Variants in SLC6A19 observed in about 807,000 individuals in gnomAD.
SLC6A19 encodes solute carrier family 6 member 19, also known as sodium-dependent neutral amino acid transporter B(0)AT1.
In SLC6A19, 67 loss-of-function variants were observed where a neutral mutation model predicts 68.3. The observed-to-expected ratio is 0.98, with a 90% CI of 0.81 to 1.20. The LOEUF is 1.20. Among genes scored for constraint, SLC6A19 ranks in the 50% most tolerant of loss-of-function variants. SLC6A19 has a pLI of 0.00. For synonymous variants in SLC6A19, 392 were observed against 374.9 expected, an observed-to-expected ratio of 1.05 and a Z score of -0.53; for missense variants, 813 against 851.6, an observed-to-expected ratio of 0.95 and a Z score of 0.56.
chr5:1,201,906 A>C, intron 1 of SLC6A19, 54 bp downstream of exon 1: 2 of 1,570,946 alleles, frequency 1.3e-6, no homozygotes, highest in Non-Finnish European at 1.7e-6. Flanking sequence ...AAGCACAGAC[A>C]CACGCAGAGG....
Position 1,208,850 on chromosome 5 carries a change from G to T in SLC6A19, c.307G>T (p.Val103Leu). Residue 103 changes from valine (V) to leucine (L), a missense_variant, in exon 2 of 12, where the codon GTG (valine) becomes TTG (leucine). Transcript: ENST00000304460. The part of the protein sequence containing the change: ...GQRLRRGSLG[V>L]WSSIHPALKG... ...GCGGCTGCGGCGGGGCAGCCTGGGT[G>T]TGTGGAGCTCCATCCACCCGGCCCT... 1 of 1,612,810 alleles carries T rather than the reference G, an allele frequency of 6.2e-7. No homozygotes were observed. The highest frequency in any genetic ancestry group is 8.5e-7 in the Non-Finnish European group (1 of 1,179,964).
intron 4 of SLC6A19, 62 bp from the exon 5 acceptor site, chr5:1,213,401 G>GCCCCCACGTGCCC (rs1746106249): frequency 3.9e-6 from 1 of 254,804 alleles, no homozygotes; most frequent in South Asian, 2.7e-5. Context: ...CCCACGTGCC[G>GCCCCCACGTGCCC]CCCCCACCGC....
At chr5:1,206,832 G>GC (rs1561161986) in intron 1 of SLC6A19, among the ~76,000 whole-genome samples, 1 of 152,182 alleles carries the variant, frequency 6.6e-6, no homozygotes, top group African/African-American at 2.4e-5. Flanking sequence ...CACAAAGGTG[G>GC]CCCCCAGGAG....
At chr5:1,211,380 G>A (rs905707091) in intron 3 of SLC6A19, among the ~76,000 whole-genome samples, 1 of 152,264 alleles carries the variant, frequency 6.6e-6, no homozygotes, top group African/African-American at 2.4e-5. Context: ...AGTGGTGACA[G>A]TGTGTGGAGT....
intron 1 of SLC6A19, among the ~76,000 whole-genome samples, chr5:1,205,504 C>T (rs1251394973): frequency 6.6e-6 from 1 of 152,184 alleles, no homozygotes; most frequent in Admixed American, 6.5e-5. Context: ...ATTTGAGGGT[C>T]TCCTGCCCGG....
At position 1,209,498 on chromosome 5, in the gene SLC6A19, C is replaced by T. The variant is rs1745960554; in HGVS notation, c.343+612C>T. Reference sequence around the variant, plus strand: ...AGCAGAGCCTACACCCTCATCCCAGCCTCTCCCTGAGTCTCCAAGGCCTCC... The same window carrying T: ...AGCAGAGCCTACACCCTCATCCCAGTCTCTCCCTGAGTCTCCAAGGCCTCC... On this transcript the variant is annotated intron_variant, in intron 2 of 11. Coordinates refer to ENST00000304460, the MANE Select transcript of SLC6A19 (RefSeq NM_001003841.3). This position sits in a 1 kb window ranked among gnomAD's most constrained non-coding sequence, Gnocchi z 5.5. Among the ~76,000 whole-genome samples, 3 of 152,080 alleles carry T rather than the reference C, an allele frequency of 2.0e-5. No homozygotes were observed. In the South Asian group the frequency reaches 6.2e-4, roughly 32 times the overall value.
chr5:1,220,821 T>G (rs909312008), intron 10 of SLC6A19, among the ~76,000 whole-genome samples: 2 of 152,162 alleles, frequency 1.3e-5, no homozygotes, highest in South Asian at 4.1e-4. Flanking sequence ...AAGGAGAGGC[T>G]GGGGGTGTCT....
intron 1 of SLC6A19, 101 bp downstream of exon 1, chr5:1,201,953 C>G (rs922550803): frequency 4.2e-6 from 6 of 1,423,608 alleles, no homozygotes; most frequent in Non-Finnish European, 5.6e-6. Context: ...CTCGGCTCCC[C>G]AAGCACGGAG....
chr5:1,222,111 A>G lies in SLC6A19; in HGVS notation c.*207A>G, dbSNP rs1043957503. ...ATGCATGGGCACTGTGTGAGTGTGC[A>G]CGTGTATGCACACATATACATGTGT... On this transcript the variant is annotated 3_prime_UTR_variant, in exon 12 of 12. Transcript: ENST00000304460. 11 of 622,562 alleles carry G rather than the reference A, an allele frequency of 1.8e-5. No homozygotes were observed. Among genetic ancestry groups the G allele is most frequent in the East Asian group, 5.5e-5 (2 of 36,432 alleles). 38.6% of individuals were successfully genotyped at this position (622,562 alleles called of 1,614,324 possible). A position where few individuals can be genotyped will look rare whatever the true frequency, so the allele number is the denominator to read the frequency against.
In SLC6A19 at chr5:1,214,109, G is replaced by A. The variant is rs1196544209; in HGVS notation, c.887+44G>A. 6.2e-7 allele frequency: 1 copy of A among 1,612,990 alleles called. No individual in the cohort carries two copies. The highest frequency in any genetic ancestry group is 1.1e-5 in the South Asian group (1 of 91,064). On this transcript the variant is annotated intron_variant, in intron 6 of 11. Transcript: ENST00000304460. This position sits in a 1 kb window ranked among gnomAD's most constrained non-coding sequence, Gnocchi z 7.4. The stretch of plus-strand genomic sequence containing the variant: ...GGCCTCAGTTTCCCTCTCAGTCCTG[G>A]GGGGATCTTGCTGGGAGGATAAAAG...
rs923934997 is a variant in SLC6A19, at chr5:1,209,180, A to G, written c.343+294A>G. 2.0e-5 allele frequency among the ~76,000 whole-genome samples: 3 copies of G among 152,044 alleles called. No homozygotes were observed. The highest frequency in any genetic ancestry group is 4.4e-5 in the Non-Finnish European group (3 of 67,974). On this transcript the variant is annotated intron_variant, in intron 2 of 11. Coordinates refer to ENST00000304460, the MANE Select transcript of SLC6A19 (RefSeq NM_001003841.3). The surrounding 1 kb of genome is among the most constrained non-coding windows in gnomAD (Gnocchi z 5.5). ...CAGAGTGACCACTCAAGCCCTGCCC[A>G]TGGCGGCGCTCAGCGAGAGCCCAGG... is the stretch of plus-strand genomic sequence containing the variant.
At chr5:1,204,909 G>C (rs530476288) in intron 1 of SLC6A19, among the ~76,000 whole-genome samples, 10 of 124,902 alleles carry the variant, frequency 8.0e-5, no homozygotes, top group South Asian at 7.3e-4. Context: ...CCACCTGCTG[G>C]AGAGAGAAAA....
In SLC6A19 at chr5:1,221,114, TG is replaced by T. The variant is rs775311248; in HGVS notation, c.1539-35del. On this transcript the variant is annotated intron_variant, in intron 10 of 11. Transcript: ENST00000304460. ...AAAGCTTAGCGAGTTGAAGCCCAGC[TG>T]GTAGCAGCAGTGACAGCTGTCTCTG... is the stretch of plus-strand genomic sequence containing the variant. 3.1e-6 allele frequency: 5 copies of T among 1,608,116 alleles called. No individual in the cohort carries two copies. In the East Asian group the frequency reaches 1.1e-4, roughly 36 times the overall value.
rs373370383 is a variant in SLC6A19 at position 1,225,094 on chromosome 5, A to G, written c.*3190A>G. On this transcript the variant is annotated 3_prime_UTR_variant, in exon 12 of 12. Coordinates refer to ENST00000304460, the MANE Select transcript of SLC6A19 (RefSeq NM_001003841.3). ...TCAAGATCAAATGGTTAAATAAAAC[A>G]TAAGAAATTTAAAACGATTAAAATA... 510 of 181,708 alleles carry G rather than the reference A, an allele frequency of 2.8e-3. 17 individuals carry two copies. The South Asian group carries it at 0.059, about 21-fold the overall frequency. 11.3% of individuals were successfully genotyped at this position (181,708 alleles called of 1,614,324 possible).
intron 9 of SLC6A19, 126 bp from the exon 10 acceptor site, chr5:1,219,379 G>GC: frequency 7.2e-7 from 1 of 1,380,198 alleles, no homozygotes; most frequent in Admixed American, 1.9e-5. Flanking sequence ...AGTGTGTGCA[G>GC]CCCCCGGGTG....
intron 1 of SLC6A19, among the ~76,000 whole-genome samples, chr5:1,207,571 C>G (rs1262590643): frequency 6.6e-6 from 1 of 152,236 alleles, no homozygotes; most frequent in Non-Finnish European, 1.5e-5. Flanking sequence ...TCCTGAATCT[C>G]TTCTCCCGGT....
chr5:1,219,924 A>T (rs1746323933), intron 10 of SLC6A19, among the ~76,000 whole-genome samples: 2 of 152,078 alleles, frequency 1.3e-5, no homozygotes, highest in African/African-American at 4.8e-5. Context: ...GGCGGTGCCC[A>T]CGCAGAGAGC....
rs535540571 is a variant in SLC6A19 at position 1,215,443 on chromosome 5, C to T, written c.888-1115C>T. 1.8e-4 allele frequency among the ~76,000 whole-genome samples: 28 copies of T among 152,216 alleles called. No homozygotes were observed. Among genetic ancestry groups the T allele is most frequent in the African/African-American group, 4.8e-4 (20 of 41,448 alleles). On this transcript the variant is annotated intron_variant, in intron 6 of 11. Transcript: ENST00000304460. This position sits in a 1 kb window ranked among gnomAD's most constrained non-coding sequence, Gnocchi z 5.1. The stretch of plus-strand genomic sequence containing the variant: ...CTCCTGCCCCGGGTGAGCACTGATG[C>T]GCTCTCTGCCTCTGTGGCTGTGCCT...
Position 1,223,192 on chromosome 5 carries a change from G to A in SLC6A19, c.*1288G>A, listed in dbSNP as rs1746444580. The stretch of plus-strand genomic sequence containing the variant: ...CTGGCCGCTTCCCGGCTTAATGAAT[G>A]CCAGCCATTTAATCATTGCTCCTGC... On this transcript the variant is annotated 3_prime_UTR_variant, in exon 12 of 12. Coordinates refer to ENST00000304460, the MANE Select transcript of SLC6A19 (RefSeq NM_001003841.3). The A allele has an allele frequency of 6.6e-6, 1 of 152,262 alleles. No individual in the cohort carries two copies. Among genetic ancestry groups the A allele is most frequent in the Non-Finnish European group, 1.5e-5 (1 of 68,044 alleles). The allele number at this position is 152,262 out of a possible 1,614,324, so 9.4% of individuals were successfully genotyped here. A position where few individuals can be genotyped will look rare whatever the true frequency, so the allele number is the denominator to read the frequency against.
Sources: gnomAD v4.1 joint callset for allele counts (sites outside exome capture counted in the v4.1 genomes callset) on GRCh38, gnomAD v4.1.1 for gene constraint, Gnocchi (gnomAD v3.1) non-coding constraint, MANE v1.5 for transcripts, NCBI Gene and HGNC (gene_info 2026-07-23, HGNC 2026-07-21) for gene names.